The following PDS5A variants were observed in gnomAD, a reference collection of about 807,000 sequenced individuals.
PDS5A encodes sister chromatid cohesion protein PDS5 homolog A.
A neutral mutation model predicts 167.1 loss-of-function variants in PDS5A; 42 were observed. That is an observed-to-expected ratio of 0.25 (90% CI 0.20 to 0.33). The LOEUF is 0.33. PDS5A is among the 10% of genes least tolerant of loss of function. The pLI, the probability that PDS5A is intolerant of heterozygous loss-of-function variation, is 1.00. For missense variants in PDS5A, 1,033 were observed against 1,605.9 expected, an observed-to-expected ratio of 0.64 and a Z score of 6.10; for synonymous variants, 553 against 554.6, an observed-to-expected ratio of 1.00 and a Z score of 0.04.
chr4:39,872,911 C>A, intron 21 of PDS5A, 75 bp downstream of exon 21: 1 of 713,888 alleles, frequency 1.4e-6, no homozygotes, highest in Non-Finnish European at 2.1e-6. Context: ...TACACAGAAA[C>A]AGAAGTGTTT....
intron 2 of PDS5A, among the ~76,000 whole-genome samples, chr4:39,970,960 T>C (rs575305263): frequency 1.4e-4 from 21 of 151,186 alleles, no homozygotes; most frequent in East Asian, 7.8e-4. Flanking sequence ...TTTGTAGAGA[T>C]AGGTTTTTGT....
In PDS5A at chr4:39,918,372, C is replaced by T. The variant is rs138740366; in HGVS notation, c.736-1184G>A. ...CAAAAGCTGATTTTTTTTTTAAATGCTAGACAGAAATAAAGAGTATACAAG... is the reference window on the plus strand; with the variant it reads ...CAAAAGCTGATTTTTTTTTTAAATGTTAGACAGAAATAAAGAGTATACAAG... On this transcript the variant is annotated intron_variant, in intron 7 of 32. Coordinates refer to ENST00000303538, the MANE Select transcript of PDS5A (RefSeq NM_001100399.2). Among the ~76,000 whole-genome samples the T allele has an allele frequency of 3.3e-5, 5 of 150,416 alleles. No individual in the cohort carries two copies. In the East Asian group the frequency reaches 9.7e-4, roughly 29 times the overall value.
Position 39,890,313 on chromosome 4 carries a change from GA to G in PDS5A, c.1821del (p.Leu608Ter). On this transcript the variant is annotated frameshift_variant, in exon 17 of 33. Coordinates refer to ENST00000303538, the MANE Select transcript of PDS5A (RefSeq NM_001100399.2). LOFTEE classifies it high-confidence loss of function. Reference sequence around the variant, plus strand: ...TCCAACAGAAATTTGACCATCTCTAGAAAAGGATTTGTTGGTTGCTTAGGAT... The same window carrying G: ...TCCAACAGAAATTTGACCATCTCTAGAAAGGATTTGTTGGTTGCTTAGGAT... ...LANPKQPTNP[F>X]LEMVKFLLER... 6.3e-7 allele frequency: 1 copy of G among 1,586,340 alleles called. No homozygotes were observed. Among genetic ancestry groups the G allele is most frequent in the Non-Finnish European group, 8.6e-7 (1 of 1,164,846 alleles).
chr4:39,855,589 T>C (rs903450008), intron 26 of PDS5A, among the ~76,000 whole-genome samples: 1 of 151,898 alleles, frequency 6.6e-6, no homozygotes, highest in South Asian at 2.1e-4. Context: ...ATAAAAGAAA[T>C]AAAGATAATC....
chr4:39,968,216 A>C (rs1435714273), intron 2 of PDS5A, among the ~76,000 whole-genome samples: 1 of 151,982 alleles, frequency 6.6e-6, no homozygotes, highest in Non-Finnish European at 1.5e-5. Context: ...AGCCTCCCAA[A>C]GTGCTGGAAA....
At chr4:39,922,590 A>G in intron 6 of PDS5A, 32 bp downstream of exon 6, 1 of 1,499,704 alleles carries the variant, frequency 6.7e-7, no homozygotes. Context: ...ACTGTTAAAC[A>G]TTAACCTTGA....
chr4:39,928,137 C>T lies in PDS5A; in HGVS notation c.166G>A (p.Asp56Asn), dbSNP rs1306715040. ...KMVVKTFMDMDQDSEDEKQQY... is the reference protein window; with the variant it reads ...KMVVKTFMDMNQDSEDEKQQY... ...TGTTTTTCATCTTCTGAGTCCTGAT[C>T]CATATCCATAAAGGTTTTCACTACC... Residue 56 changes from aspartate to asparagine, a missense_variant, in exon 3 of 33, where the codon GAT becomes AAT. Physicochemically the swap from Asp to Asn is conservative, Grantham distance 23. Coordinates refer to ENST00000303538, the MANE Select transcript of PDS5A (RefSeq NM_001100399.2). 6.2e-7 allele frequency: 1 copy of T among 1,610,740 alleles called. No homozygotes were observed.
At chr4:39,845,043 A>G (rs532718032) in intron 29 of PDS5A, among the ~76,000 whole-genome samples, 3 of 152,256 alleles carry the variant, frequency 2.0e-5, no homozygotes, top group Admixed American at 2.0e-4. Flanking sequence ...CCCAACCTCT[A>G]CCAAAAATAC....
chr4:39,959,784 G>A (rs1169176056), intron 2 of PDS5A, among the ~76,000 whole-genome samples: 3 of 151,662 alleles, frequency 2.0e-5, no homozygotes, highest in South Asian at 2.1e-4. Flanking sequence ...GTGAAAGCCC[G>A]TCTATAGTGA....
intron 2 of PDS5A, among the ~76,000 whole-genome samples, chr4:39,954,754 A>C (rs1288307281): frequency 6.6e-6 from 1 of 151,550 alleles, no homozygotes; most frequent in Non-Finnish European, 1.5e-5. Flanking sequence ...TAAAATAACT[A>C]TGAGGCCAGG....
chr4:39,907,172 A>G (rs1041192383), intron 11 of PDS5A, among the ~76,000 whole-genome samples: 1 of 152,202 alleles, frequency 6.6e-6, no homozygotes, highest in Non-Finnish European at 1.5e-5. Context: ...AGGAATGCCA[A>G]ATAACCACTA....
intron 2 of PDS5A, among the ~76,000 whole-genome samples, chr4:39,933,853 CAT>C (rs1491367810): frequency 2.6e-5 from 4 of 152,162 alleles, no homozygotes; most frequent in Admixed American, 6.5e-5. Flanking sequence ...GAGTTGAAGT[CAT>C]AATTCTCGTA....
intron 32 of PDS5A, among the ~76,000 whole-genome samples, chr4:39,832,558 A>T (rs1237434978): frequency 6.6e-6 from 1 of 151,982 alleles, no homozygotes; most frequent in Admixed American, 6.6e-5. Flanking sequence ...GTTATGTCTG[A>T]TCAGGATCTA....
At chr4:39,879,374 C>T (rs1720748248) in intron 18 of PDS5A, among the ~76,000 whole-genome samples, 1 of 152,036 alleles carries the variant, frequency 6.6e-6, no homozygotes. Context: ...CCAAGAAATA[C>T]TCCCTTTAAT....
chr4:39,954,074 C>T (rs1481447940), intron 2 of PDS5A, among the ~76,000 whole-genome samples: 2 of 152,120 alleles, frequency 1.3e-5, no homozygotes, highest in Non-Finnish European at 2.9e-5. Flanking sequence ...GGCATGGTGG[C>T]CCACGCCTGT....
intron 17 of PDS5A, among the ~76,000 whole-genome samples, chr4:39,884,401 T>TA (rs1259418038): frequency 1.3e-5 from 2 of 152,164 alleles, no homozygotes; most frequent in Admixed American, 6.5e-5. Flanking sequence ...GCTGGGCCAG[T>TA]AAAAAACAGA....
At chr4:39,960,803 C>T (rs925454318) in intron 2 of PDS5A, among the ~76,000 whole-genome samples, 3 of 152,106 alleles carry the variant, frequency 2.0e-5, no homozygotes, top group Non-Finnish European at 4.4e-5. Flanking sequence ...TATTCTCCTG[C>T]CTCAGCCTTC....
chr4:39,975,468 A>G (rs1313556011), intron 2 of PDS5A, among the ~76,000 whole-genome samples: 1 of 152,192 alleles, frequency 6.6e-6, no homozygotes, highest in East Asian at 1.9e-4. Flanking sequence ...CATTGTCAAC[A>G]ATGTTGCTTC....
intron 32 of PDS5A, among the ~76,000 whole-genome samples, chr4:39,836,714 G>A (rs999958135): frequency 2.1e-5 from 3 of 145,464 alleles, no homozygotes; most frequent in East Asian, 2.0e-4. Flanking sequence ...TCTACCCGCC[G>A]TGGCCTCCCA....
Sources: allele counts gnomAD v4.1 joint callset (sites outside exome capture counted in the v4.1 genomes callset), GRCh38; gene constraint gnomAD v4.1.1; transcripts MANE v1.5; gene names NCBI Gene and HGNC (gene_info 2026-07-23, HGNC 2026-07-21).